The following ERC2 variants were observed in gnomAD, a reference collection of about 807,000 sequenced individuals.
ERC2 encodes ERC protein 2.
Under a neutral mutation model 114.8 loss-of-function variants are expected in ERC2, and 42 were observed. The observed-to-expected ratio is 0.37, with a 90% CI of 0.29 to 0.47. ERC2 has a LOEUF of 0.47. Ranked by LOEUF, ERC2 falls within the 20% of genes least tolerant of loss-of-function variation. The pLI is 0.99. For synonymous variants in ERC2, 454 were observed against 425.5 expected (o/e 1.07, Z -0.82); for missense variants, 939 against 1,150.7 (o/e 0.82, Z 2.66).
chr3:55,687,581 CACCTGGCT>C (rs2062401094), intron 16 of ERC2, among the ~76,000 whole-genome samples: 1 of 152,168 alleles, frequency 6.6e-6, no homozygotes, highest in South Asian at 2.1e-4. Context: ...CTGGAAGGTC[CACCTGGCT>C]ACCTTGCTGG....
At chr3:55,852,595 T>G (rs2061621505) in intron 14 of ERC2, 1 of 153,330 alleles carries the variant, frequency 6.5e-6, no homozygotes, top group Non-Finnish European at 1.5e-5. Context: ...AAAAATTCCT[T>G]TAAAAAAATC....
chr3:55,600,324 A>G lies in ERC2; in HGVS notation c.*39+83470T>C, dbSNP rs763863250. Among the ~76,000 whole-genome samples the G allele has an allele frequency of 3.3e-5, 5 of 152,368 alleles. No homozygotes were observed. The East Asian group carries it at 9.6e-4, about 29-fold the overall frequency. On this transcript the variant is annotated intron_variant, in intron 17 of 17. Transcript: ENST00000288221. Reference sequence around the variant, plus strand: ...AATGTAAAAGAGGTAAGCAGTAGAAATAATCTGGCACAATTGTTGACTTGT... The same window carrying G: ...AATGTAAAAGAGGTAAGCAGTAGAAGTAATCTGGCACAATTGTTGACTTGT...
intron 14 of ERC2, among the ~76,000 whole-genome samples, chr3:55,837,971 T>TA (rs59297667): frequency 0.32 from 47,967 of 149,874 alleles, 10,026 homozygotes; most frequent in African/African-American, 0.59. Flanking sequence ...TACCAGGAAT[T>TA]AAAAAAAAAG....
chr3:56,165,690 T>A (rs79255225), intron 4 of ERC2, among the ~76,000 whole-genome samples: 4,479 of 152,146 alleles, frequency 0.029, 227 homozygotes, highest in African/African-American at 0.1. Context: ...TGGGGTTTTT[T>A]AATACCAGTG....
At chr3:55,764,319 A>G (rs2067635711) in intron 14 of ERC2, among the ~76,000 whole-genome samples, 1 of 152,240 alleles carries the variant, frequency 6.6e-6, no homozygotes, top group African/African-American at 2.4e-5. Context: ...TTTTGCTTCC[A>G]GGTGAGCATA....
At chr3:55,526,289 T>A (rs2053314030) in intron 17 of ERC2, among the ~76,000 whole-genome samples, 2 of 152,208 alleles carry the variant, frequency 1.3e-5, no homozygotes, top group African/African-American at 4.8e-5. Context: ...TCTGTTGTTT[T>A]AAGCCAACCA....
chr3:55,693,075 T>C (rs767474900), intron 16 of ERC2, among the ~76,000 whole-genome samples: 16 of 152,206 alleles, frequency 1.1e-4, no homozygotes, highest in Non-Finnish European at 2.1e-4. Flanking sequence ...AGCCAACACA[T>C]GCTGGGACCA....
chr3:56,190,650 G>C (rs1351277241), intron 3 of ERC2, among the ~76,000 whole-genome samples: 3 of 151,958 alleles, frequency 2.0e-5, no homozygotes, highest in Non-Finnish European at 4.4e-5. Context: ...AGTTGACCAG[G>C]TTGGTCTCAA....
intron 6 of ERC2, among the ~76,000 whole-genome samples, chr3:56,113,564 TA>T (rs2079073590): frequency 6.6e-6 from 1 of 152,348 alleles, no homozygotes; most frequent in Admixed American, 6.5e-5. Flanking sequence ...AAACTCTTTC[TA>T]TACTCACAAT....
At chr3:55,714,738 C>G (rs1427002505) in intron 15 of ERC2, among the ~76,000 whole-genome samples, 1 of 131,582 alleles carries the variant, frequency 7.6e-6, no homozygotes, top group African/African-American at 2.8e-5. Context: ...AGATGAGCAC[C>G]AACCATTTAT....
At chr3:56,279,902 C>T (rs187503309) in intron 3 of ERC2, among the ~76,000 whole-genome samples, 31 of 152,290 alleles carry the variant, frequency 2.0e-4, no homozygotes, top group Non-Finnish European at 3.1e-4. Flanking sequence ...AGCTGAGTAA[C>T]GGACCCCCTC....
At chr3:55,697,774 A>G (rs546770531) in intron 16 of ERC2, among the ~76,000 whole-genome samples, 1 of 151,678 alleles carries the variant, frequency 6.6e-6, no homozygotes, top group South Asian at 2.1e-4. Flanking sequence ...TTGGGGTTTG[A>G]GTGGGGGAAC....
At chr3:55,722,565 G>A (rs545941946) in intron 15 of ERC2, among the ~76,000 whole-genome samples, 2 of 152,186 alleles carry the variant, frequency 1.3e-5, no homozygotes, top group South Asian at 4.2e-4. Flanking sequence ...TACATTTGAT[G>A]TCTTTATTTT....
intron 2 of ERC2, among the ~76,000 whole-genome samples, chr3:56,348,512 T>G (rs1197211708): frequency 7.3e-6 from 1 of 137,054 alleles, no homozygotes; most frequent in Non-Finnish European, 1.6e-5. Context: ...TAAATTAATT[T>G]TATATATACT....
chr3:56,223,085 T>A (rs1294092110), intron 3 of ERC2, among the ~76,000 whole-genome samples: 1 of 152,214 alleles, frequency 6.6e-6, no homozygotes, highest in Non-Finnish European at 1.5e-5. Context: ...AGAGAAGAAT[T>A]TAACCACTTC....
At chr3:55,959,119 A>T (rs1156942514) in intron 12 of ERC2, among the ~76,000 whole-genome samples, 1 of 152,124 alleles carries the variant, frequency 6.6e-6, no homozygotes. Context: ...TAGAGCACTT[A>T]TCTACTCCCC....
intron 7 of ERC2, among the ~76,000 whole-genome samples, chr3:56,020,088 TGAG>T (rs1299040252): frequency 1.3e-5 from 2 of 152,046 alleles, no homozygotes; most frequent in Non-Finnish European, 2.9e-5. Flanking sequence ...CCAGTAGTAA[TGAG>T]GAGGAGGAGA....
intron 9 of ERC2, among the ~76,000 whole-genome samples, chr3:56,008,967 T>G (rs916422437): frequency 6.6e-6 from 1 of 152,192 alleles, no homozygotes; most frequent in Non-Finnish European, 1.5e-5. Flanking sequence ...GTAGAAAATG[T>G]TTAACGTGGT....
intron 3 of ERC2, among the ~76,000 whole-genome samples, chr3:56,186,875 C>T (rs1012740826): frequency 6.6e-6 from 1 of 152,124 alleles, no homozygotes; most frequent in Non-Finnish European, 1.5e-5. Context: ...ATATCAGGTG[C>T]TATTAGCAAC....
Sources: allele counts gnomAD v4.1 joint callset (sites outside exome capture counted in the v4.1 genomes callset), GRCh38; gene constraint gnomAD v4.1.1; transcripts MANE v1.5; gene names NCBI Gene and HGNC (gene_info 2026-07-23, HGNC 2026-07-21).